The following DCC variants were observed in gnomAD, a reference collection of about 807,000 sequenced individuals.
The protein encoded by DCC is DCC netrin 1 receptor.
Under a neutral mutation model 172.5 loss-of-function variants are expected in DCC, and 58 were observed. The ratio of observed to expected loss-of-function variants is 0.34; its 90% CI spans 0.27 to 0.42. The LOEUF is 0.42. DCC is among the 10% of genes least tolerant of loss of function. The pLI is 1.00. For synonymous variants in DCC, 709 were observed against 644.5 expected (o/e 1.10, Z -1.52); for missense variants, 1,740 against 1,791.0 (o/e 0.97, Z 0.51).
chr18:53,177,528 A>T lies in DCC; in HGVS notation c.1419-1434A>T, dbSNP rs2055123873. ...TCTGACTCTATAAGGTATGGAAGGG[A>T]TGTTACTGATTGTCAGTTCTTTTCC... On this transcript the variant is annotated intron_variant, in intron 8 of 28. Transcript: ENST00000442544. 2.0e-5 allele frequency among the ~76,000 whole-genome samples: 3 copies of T among 152,120 alleles called. No homozygotes were observed. The South Asian group carries it at 6.2e-4, about 32-fold the overall frequency.
chr18:52,601,359 T>G (rs1013447196), intron 1 of DCC, among the ~76,000 whole-genome samples: 5 of 152,050 alleles, frequency 3.3e-5, no homozygotes, highest in Admixed American at 3.3e-4. Flanking sequence ...CACTTTTTTT[T>G]CCCCTGTTTT....
intron 13 of DCC, among the ~76,000 whole-genome samples, chr18:53,321,282 A>G (rs1357064595): frequency 6.6e-6 from 1 of 152,194 alleles, no homozygotes; most frequent in Non-Finnish European, 1.5e-5. Flanking sequence ...AGTCTCAAAA[A>G]TGTCCTATGG....
At chr18:53,281,746 A>G (rs1248312952) in intron 12 of DCC, among the ~76,000 whole-genome samples, 1 of 148,814 alleles carries the variant, frequency 6.7e-6, no homozygotes, top group Non-Finnish European at 1.5e-5. Context: ...AAATTGGCAG[A>G]TGCTATTAAT....
intron 12 of DCC, among the ~76,000 whole-genome samples, chr18:53,240,044 A>C (rs867361976): frequency 1.5e-3 from 210 of 144,236 alleles, no homozygotes; most frequent in African/African-American, 5.0e-3. Flanking sequence ...AAAAAAAAAA[A>C]AAAAAACAAC....
At chr18:52,859,610 T>C (rs1472250703) in intron 2 of DCC, among the ~76,000 whole-genome samples, 1 of 152,146 alleles carries the variant, frequency 6.6e-6, no homozygotes, top group Non-Finnish European at 1.5e-5. Flanking sequence ...TTAAGACCTT[T>C]AAAGGTATCA....
At chr18:53,429,861 T>G (rs1911498441) in intron 21 of DCC, among the ~76,000 whole-genome samples, 1 of 152,172 alleles carries the variant, frequency 6.6e-6, no homozygotes, top group Non-Finnish European at 1.5e-5. Context: ...GTGTTGAACC[T>G]TAGGAAAAGG....
At position 53,403,166 on chromosome 18, in the gene DCC, A is replaced by T. The variant is rs2145038381; in HGVS notation, c.2935+273A>T. ...AAGATGTGTATTTCAATTAGAATAGACCTTTTTGTTTTTCATTCTCTGAAG... is the reference window on the plus strand; with the variant it reads ...AAGATGTGTATTTCAATTAGAATAGTCCTTTTTGTTTTTCATTCTCTGAAG... On this transcript the variant is annotated intron_variant, in intron 19 of 28. Coordinates refer to ENST00000442544, the MANE Select transcript of DCC (RefSeq NM_005215.4). Among the ~76,000 whole-genome samples the T allele has an allele frequency of 1.3e-5, 2 of 151,818 alleles. 1 individual carries two copies. Among genetic ancestry groups the T allele is most frequent in the East Asian group, 3.9e-4 (2 of 5,164 alleles).
intron 12 of DCC, among the ~76,000 whole-genome samples, chr18:53,245,706 C>CA (rs1568388374): frequency 6.6e-6 from 1 of 151,972 alleles, no homozygotes; most frequent in Non-Finnish European, 1.5e-5. Flanking sequence ...GATTTAATAG[C>CA]AAAAGATTTA....
chr18:52,526,723 A>C (rs1323165762), intron 1 of DCC, among the ~76,000 whole-genome samples: 1 of 152,188 alleles, frequency 6.6e-6, no homozygotes. Flanking sequence ...TAGCTGAATA[A>C]CTACAGAAGG....
intron 17 of DCC, among the ~76,000 whole-genome samples, chr18:53,395,921 G>A (rs1908908021): frequency 6.6e-6 from 1 of 152,138 alleles, no homozygotes; most frequent in African/African-American, 2.4e-5. Flanking sequence ...GGGATTACAG[G>A]CGTGAGCCAC....
chr18:53,265,380 A>C (rs2056661582), intron 12 of DCC, among the ~76,000 whole-genome samples: 1 of 152,220 alleles, frequency 6.6e-6, no homozygotes, highest in African/African-American at 2.4e-5. Flanking sequence ...TCTATCATAA[A>C]AGTGTACTAT....
intron 7 of DCC, among the ~76,000 whole-genome samples, chr18:53,112,810 T>C (rs16956160): frequency 0.025 from 3,724 of 151,620 alleles, 77 homozygotes; most frequent in East Asian, 0.11. Context: ...CCACAGAATA[T>C]GGTGAAGTAC....
At chr18:52,648,257 G>T (rs2035057062) in intron 1 of DCC, among the ~76,000 whole-genome samples, 2 of 152,144 alleles carry the variant, frequency 1.3e-5, no homozygotes, top group South Asian at 4.1e-4. Context: ...AGACTTGGTG[G>T]AGTATTTACA....
At chr18:52,864,937 C>G (rs2039198301) in intron 2 of DCC, among the ~76,000 whole-genome samples, 1 of 151,954 alleles carries the variant, frequency 6.6e-6, no homozygotes. Flanking sequence ...ATGATCTTGG[C>G]TCACTGCCAG....
intron 8 of DCC, among the ~76,000 whole-genome samples, chr18:53,178,564 A>G (rs573095652): frequency 1.3e-5 from 2 of 152,338 alleles, no homozygotes; most frequent in Admixed American, 6.5e-5. Context: ...GATTTGTGGA[A>G]TAATTGAAAC....
At chr18:52,541,434 T>C (rs528542417) in intron 1 of DCC, among the ~76,000 whole-genome samples, 1 of 152,354 alleles carries the variant, frequency 6.6e-6, no homozygotes, top group Admixed American at 6.5e-5. Context: ...CTGTTTTCTA[T>C]GATGAATGGA....
intron 9 of DCC, among the ~76,000 whole-genome samples, chr18:53,183,742 T>C (rs1210978614): frequency 6.6e-6 from 1 of 152,048 alleles, no homozygotes; most frequent in Non-Finnish European, 1.5e-5. Flanking sequence ...GGAATAGCCA[T>C]ATTTGCTTCT....
At chr18:52,371,156 TAA>T (rs11296410) in intron 1 of DCC, among the ~76,000 whole-genome samples, 19 of 150,662 alleles carry the variant, frequency 1.3e-4, no homozygotes, top group African/African-American at 4.6e-4. Flanking sequence ...TTGGCTGATT[TAA>T]AAAAAAAAAT....
intron 9 of DCC, among the ~76,000 whole-genome samples, chr18:53,193,445 T>C (rs2055395839): frequency 6.6e-6 from 1 of 152,136 alleles, no homozygotes; most frequent in South Asian, 2.1e-4. Context: ...TATTATTTAT[T>C]ATTAATCTTC....
Sources: allele counts gnomAD v4.1 joint callset (sites outside exome capture counted in the v4.1 genomes callset), GRCh38; gene constraint gnomAD v4.1.1; transcripts MANE v1.5; gene names NCBI Gene and HGNC (gene_info 2026-07-23, HGNC 2026-07-21).